Variants in ERC2 observed in about 807,000 individuals in gnomAD.
The protein encoded by ERC2 is ERC protein 2.
A neutral mutation model predicts 114.8 loss-of-function variants in ERC2; 42 were observed. That is an observed-to-expected ratio of 0.37 (90% CI 0.29 to 0.47). The LOEUF is 0.47. ERC2 is among the 20% of genes least tolerant of loss of function. The probability of loss-of-function intolerance (pLI) is 0.99; values close to 1 mark genes in which losing one functional copy is unlikely to be tolerated. For synonymous variants in ERC2, 454 were observed against 425.5 expected (o/e 1.07, Z -0.82); for missense variants, 939 against 1,150.7 (o/e 0.82, Z 2.66).
intron 2 of ERC2, among the ~76,000 whole-genome samples, chr3:56,319,021 CCTTGTACACTGTTGGTGAGAATG>C (rs2057004279): frequency 6.6e-6 from 1 of 151,000 alleles, no homozygotes; most frequent in African/African-American, 2.4e-5. Flanking sequence ...AAATTGGAAC[CCTTGTACACTGTTGGTGAGAATG>C]CAAAATAGTG....
chr3:56,383,194 C>A (rs966786843), intron 2 of ERC2, among the ~76,000 whole-genome samples: 2 of 152,074 alleles, frequency 1.3e-5, no homozygotes, highest in African/African-American at 4.8e-5. Flanking sequence ...CTGCTTCTAC[C>A]ATTACCTTCC....
chr3:56,223,518 CAAAA>C (rs60141863), intron 3 of ERC2, among the ~76,000 whole-genome samples: 18,194 of 123,048 alleles, frequency 0.15, 1,147 homozygotes, highest in Middle Eastern at 0.18. Flanking sequence ...AGAAAAATGG[CAAAA>C]AAAAAAAAAA....
Position 55,733,538 on chromosome 3 carries a change from T to TCACACACA in ERC2, c.2712+1232_2712+1233insTGTGTGTG, listed in dbSNP as rs1196908352. Among the ~76,000 whole-genome samples the TCACACACA allele has an allele frequency of 7.4e-3, 548 of 74,162 alleles. 2 individuals are homozygous for TCACACACA. Among genetic ancestry groups the TCACACACA allele is most frequent in the Middle Eastern group, 0.027 (3 of 112 alleles). The allele number at this position is 74,162 out of a possible 152,430, so 48.7% of individuals were successfully genotyped here. A position where few individuals can be genotyped will look rare whatever the true frequency, so the allele number is the denominator to read the frequency against. On this transcript the variant is annotated intron_variant, in intron 15 of 17. Transcript: ENST00000288221. Reference sequence around the variant, plus strand: ...CTCTCTGTCTCTCATTCTTTCTCTCTCTCTCACACACACACACACACACAC... The same window carrying TCACACACA: ...CTCTCTGTCTCTCATTCTTTCTCTCTCACACACACTCTCACACACACACACACACACAC...
chr3:55,526,200 A>G (rs2053305221), intron 17 of ERC2, among the ~76,000 whole-genome samples: 1 of 152,116 alleles, frequency 6.6e-6, no homozygotes, highest in African/African-American at 2.4e-5. Context: ...GGTCTCCCCT[A>G]GAGGCTTCGA....
At chr3:56,229,282 A>G (rs2150171701) in intron 3 of ERC2, among the ~76,000 whole-genome samples, 1 of 152,324 alleles carries the variant, frequency 6.6e-6, no homozygotes, top group Admixed American at 6.5e-5. Flanking sequence ...CATGAGGGCA[A>G]GTTCTGTCCT....
intron 14 of ERC2, among the ~76,000 whole-genome samples, chr3:55,840,948 T>G (rs1319389075): frequency 2.0e-5 from 3 of 151,962 alleles, no homozygotes; most frequent in Non-Finnish European, 4.4e-5. Flanking sequence ...TGCCTAAAGA[T>G]AGAGATAGAG....
chr3:56,174,760 A>G lies in ERC2; in HGVS notation c.1075-1240T>C, dbSNP rs999854640. Among the ~76,000 whole-genome samples the G allele has an allele frequency of 3.3e-5, 5 of 152,272 alleles. No homozygotes were observed. The East Asian group carries it at 9.7e-4, about 29-fold the overall frequency. On this transcript the variant is annotated intron_variant, in intron 3 of 17. Transcript: ENST00000288221. ...TTTGGGAGGCCGAGGTGGGTGGATC[A>G]TGAGGTCAGAAGATTGAGACCATCC...
intron 17 of ERC2, among the ~76,000 whole-genome samples, chr3:55,638,326 T>C (rs2060037216): frequency 6.6e-6 from 1 of 152,218 alleles, no homozygotes; most frequent in Admixed American, 6.5e-5. Context: ...TCTCCATTTT[T>C]ACATGGCTTC....
intron 8 of ERC2, among the ~76,000 whole-genome samples, chr3:56,013,538 G>A (rs1040404250): frequency 3.9e-5 from 6 of 152,186 alleles, no homozygotes; most frequent in African/African-American, 1.4e-4. Context: ...CGAAGGACCA[G>A]CTTAGACAGG....
intron 7 of ERC2, among the ~76,000 whole-genome samples, chr3:56,053,312 G>A (rs923840887): frequency 5.9e-5 from 9 of 152,132 alleles, no homozygotes; most frequent in South Asian, 2.1e-4. Context: ...GCAGTATAAC[G>A]GGGATGGAAA....
chr3:56,278,355 G>C (rs2054143588), intron 3 of ERC2, among the ~76,000 whole-genome samples: 1 of 152,160 alleles, frequency 6.6e-6, no homozygotes, highest in Non-Finnish European at 1.5e-5. Flanking sequence ...TCTGAAGTGA[G>C]GGAAATTCAG....
At chr3:56,221,444 T>C (rs1460103400) in intron 3 of ERC2, among the ~76,000 whole-genome samples, 2 of 151,474 alleles carry the variant, frequency 1.3e-5, no homozygotes, top group Non-Finnish European at 2.9e-5. Flanking sequence ...TTATGCAGCA[T>C]TCCCTGTAGA....
chr3:56,308,426 G>GT (rs1405503581), intron 2 of ERC2, among the ~76,000 whole-genome samples: 1 of 152,180 alleles, frequency 6.6e-6, no homozygotes, highest in South Asian at 2.1e-4. Context: ...CTTAGCCAAC[G>GT]TTTATAAGAG....
At chr3:56,367,163 T>C (rs1488539149) in intron 2 of ERC2, among the ~76,000 whole-genome samples, 1 of 152,106 alleles carries the variant, frequency 6.6e-6, no homozygotes, top group Non-Finnish European at 1.5e-5. Flanking sequence ...AATGTCATCT[T>C]CAGTGGATAC....
At chr3:55,976,085 A>G (rs1194661894) in intron 12 of ERC2, among the ~76,000 whole-genome samples, 1 of 152,126 alleles carries the variant, frequency 6.6e-6, no homozygotes, top group Admixed American at 6.5e-5. Flanking sequence ...CATCTAAAAC[A>G]CAGCCTGGCC....
At chr3:55,808,476 A>G (rs1468563238) in intron 14 of ERC2, among the ~76,000 whole-genome samples, 1 of 151,826 alleles carries the variant, frequency 6.6e-6, no homozygotes, top group East Asian at 1.9e-4. Flanking sequence ...GAAAGTAATC[A>G]TTGCCAATTC....
intron 9 of ERC2, among the ~76,000 whole-genome samples, chr3:56,010,045 A>G (rs540256373): frequency 1.3e-5 from 2 of 152,290 alleles, no homozygotes; most frequent in East Asian, 3.9e-4. Context: ...GATGAATGCA[A>G]AGCACTTGAC....
At chr3:56,137,394 G>A (rs967195634) in intron 6 of ERC2, among the ~76,000 whole-genome samples, 1 of 151,542 alleles carries the variant, frequency 6.6e-6, no homozygotes, top group South Asian at 2.1e-4. Flanking sequence ...TAGAACAGCT[G>A]TCAGCAAACT....
chr3:55,966,886 A>AT (rs1200317106), intron 12 of ERC2, among the ~76,000 whole-genome samples: 4 of 152,074 alleles, frequency 2.6e-5, no homozygotes, highest in African/African-American at 7.2e-5. Flanking sequence ...GTAAATACCC[A>AT]TTTTTTCCCA....
Sources: allele counts gnomAD v4.1 joint callset (sites outside exome capture counted in the v4.1 genomes callset), GRCh38; gene constraint gnomAD v4.1.1; transcripts MANE v1.5; gene names NCBI Gene and HGNC (gene_info 2026-07-23, HGNC 2026-07-21).